Variants in ODF2 observed in about 807,000 individuals in gnomAD.
ODF2 encodes the protein outer dense fiber of sperm tails 2.
ODF2 carries 47 observed loss-of-function variants against 110.2 expected under a neutral mutation model. That is an observed-to-expected ratio of 0.43 (90% CI 0.34 to 0.54). ODF2 has a LOEUF of 0.54. ODF2 is among the 20% of genes least tolerant of loss of function. ODF2 has a pLI of 0.03. For missense variants in ODF2, 812 were observed against 1,054.5 expected (o/e 0.77, Z 3.19); for synonymous variants, 352 against 397.7 (o/e 0.89, Z 1.37).
upstream of ODF2, chr9:128,455,486 G>A (rs1834580905): frequency 3.9e-6 from 1 of 255,470 alleles, no homozygotes; most frequent in Non-Finnish European, 7.5e-6. Flanking sequence ...CCCGGGAGGC[G>A]GAGGTTGCGG....
Position 128,500,115 on chromosome 9 carries a change from G to T in ODF2, c.2350G>T (p.Glu784Ter), listed in dbSNP as rs1264933112. ...GCTGCAAGACCTGAAAGATCGCCTG[G>T]AGCAGTCCGAGAGCACCAACCGCAG... The change falls in exon 21 of 21, where the codon GAG becomes TAG. Residue 784 changes from glutamate (E) to a stop codon, truncating the protein, a stop_gained. Coordinates refer to ENST00000604420, the Ensembl canonical transcript of ODF2. LOFTEE classifies it high-confidence loss of function. 1.2e-6 allele frequency: 2 copies of T among 1,614,164 alleles called. No homozygotes were observed. Among genetic ancestry groups the T allele is most frequent in the South Asian group, 1.1e-5 (1 of 91,088 alleles).
At chr9:128,475,696 A>G (rs1841118255) in intron 8 of ODF2, among the ~76,000 whole-genome samples, 1 of 150,930 alleles carries the variant, frequency 6.6e-6, no homozygotes, top group African/African-American at 2.4e-5. Context: ...CCCAGGTTGG[A>G]GTACAGTGGC....
At chr9:128,484,311 C>T (rs950451862) in intron 11 of ODF2, among the ~76,000 whole-genome samples, 1 of 152,208 alleles carries the variant, frequency 6.6e-6, no homozygotes, top group African/African-American at 2.4e-5. Context: ...ACTTAATCCC[C>T]TAGGCCCTCA....
intron 4 of ODF2, among the ~76,000 whole-genome samples, chr9:128,463,277 G>T (rs1233656260): frequency 6.6e-6 from 1 of 151,968 alleles, no homozygotes; most frequent in Non-Finnish European, 1.5e-5. Flanking sequence ...CAAAACAAAA[G>T]AGAAATATGA....
chr9:128,487,645 G>T (rs980062334), intron 13 of ODF2, among the ~76,000 whole-genome samples: 1 of 152,088 alleles, frequency 6.6e-6, no homozygotes, highest in Non-Finnish European at 1.5e-5. Context: ...AACTTAGCCG[G>T]GCGTGGCGGT....
chr9:128,495,790 A>C (rs893195976), intron 17 of ODF2, among the ~76,000 whole-genome samples: 4 of 152,126 alleles, frequency 2.6e-5, no homozygotes, highest in African/African-American at 9.7e-5. Flanking sequence ...GCCTCCCCTG[A>C]TCGAGAAAGC....
chr9:128,456,021 T>A (rs1241022645), upstream of ODF2: 9 of 1,434,948 alleles, frequency 6.3e-6, no homozygotes, highest in Non-Finnish European at 8.2e-6. Context: ...GGGCGGGGCA[T>A]CTCTGTGACG....
chr9:128,462,817 T>A (rs1370639671), intron 4 of ODF2, among the ~76,000 whole-genome samples: 7 of 151,714 alleles, frequency 4.6e-5, no homozygotes, highest in African/African-American at 7.3e-5. Context: ...ATGGTCTCGA[T>A]CTCCTGACCT....
chr9:128,456,176 C>T lies in ODF2; in HGVS notation c.-288C>T, dbSNP rs565971283. ...CAGAGCCAGACTGCATCCGCCGCGG[C>T]GTCTCCATGGCACGACCCTGGCCTC... is the stretch of plus-strand genomic sequence containing the variant. On this transcript the variant is annotated 5_prime_UTR_variant, in exon 1 of 21. Transcript: ENST00000604420. 3.8e-4 allele frequency: 589 copies of T among 1,549,270 alleles called. 4 individuals carry two copies. Among genetic ancestry groups the T allele is most frequent in the Middle Eastern group, 2.9e-3 (17 of 5,858 alleles).
chr9:128,475,520 C>T (rs1421911125), intron 8 of ODF2, among the ~76,000 whole-genome samples: 1 of 152,150 alleles, frequency 6.6e-6, no homozygotes, highest in Admixed American at 6.6e-5. Context: ...ACATCAGTAA[C>T]TATAGTCACC....
intron 13 of ODF2, among the ~76,000 whole-genome samples, chr9:128,487,067 CCT>C (rs753320019): frequency 4.0e-5 from 6 of 150,712 alleles, no homozygotes; most frequent in African/African-American, 4.9e-5. Flanking sequence ...GGTACACATC[CCT>C]CTCTCTCTCT....
intron 19 of ODF2, 134 bp from the exon 20 acceptor site, chr9:128,498,867 C>A: frequency 1.6e-6 from 2 of 1,220,512 alleles, no homozygotes; most frequent in Non-Finnish European, 2.3e-6. Flanking sequence ...CCTGCCCCAG[C>A]GTTCTAGAGA....
chr9:128,486,822 C>T (rs1843448975), intron 13 of ODF2, among the ~76,000 whole-genome samples: 1 of 152,200 alleles, frequency 6.6e-6, no homozygotes, highest in South Asian at 2.1e-4. Flanking sequence ...CACCAGCCCC[C>T]TGCTGGGGGT....
In ODF2 at chr9:128,494,109, C is replaced by G. The variant is rs1448924167; in HGVS notation, c.1753-401C>G. ...GCACCTGGCTTGGAGTTAGACTAGA[C>G]TTTAATCCTGTGTTTACCAGTTTTT... On this transcript the variant is annotated intron_variant, in intron 16 of 20. Transcript: ENST00000604420. This position sits in a 1 kb window ranked among gnomAD's most constrained non-coding sequence, Gnocchi z 4.6. Among the ~76,000 whole-genome samples the G allele has an allele frequency of 6.6e-6, 1 of 152,152 alleles. No homozygotes were observed. Among genetic ancestry groups the G allele is most frequent in the Non-Finnish European group, 1.5e-5 (1 of 68,028 alleles).
exon 5 of ODF2, chr9:128,469,196 G>T (rs766231191): frequency 6.2e-7 from 1 of 1,613,898 alleles, no homozygotes; most frequent in South Asian, 1.1e-5. Context: ...CCACCTCATT[G>T]CCTGGAGATC....
At position 128,456,777 on chromosome 9, in the gene ODF2, C is replaced by A; in HGVS notation, c.-208-421C>A. On this transcript the variant is annotated intron_variant, in intron 1 of 20. Transcript: ENST00000604420. ...GCCCGGCGGGGGGGGGTCCCGCCCG[C>A]CCCCTCCCAGCCCGGCGTCTATCCT... The A allele has an allele frequency of 3.8e-6, 5 of 1,310,968 alleles. No individual in the cohort carries two copies. The South Asian group carries it at 6.9e-5, about 18-fold the overall frequency. The allele number at this position is 1,310,968 out of a possible 1,614,324, so 81.2% of individuals were successfully genotyped here. A position where few individuals can be genotyped will look rare whatever the true frequency, so the allele number is the denominator to read the frequency against.
At chr9:128,486,070 T>G (rs540533274) in intron 13 of ODF2, among the ~76,000 whole-genome samples, 7 of 152,308 alleles carry the variant, frequency 4.6e-5, no homozygotes, top group African/African-American at 1.7e-4. Flanking sequence ...ATCTACCATA[T>G]ACCAAGCTGC....
chr9:128,497,446 A>AAATAT (rs1554857542), intron 18 of ODF2: 5 of 42,596 alleles, frequency 1.2e-4, no homozygotes, highest in African/African-American at 1.5e-4. Context: ...AAAAAAAAAA[A>AAATAT]ATATATATAT....
chr9:128,497,836 A>C lies in ODF2; in HGVS notation c.2013-577A>C, dbSNP rs41302649. On this transcript the variant is annotated intron_variant, in intron 18 of 20. Coordinates refer to ENST00000604420, the Ensembl canonical transcript of ODF2. ...TGCCAGCCTTGGAAATGGCAGCTAG[A>C]TCCCCCAGGCCCTGCAGAGCTCCTT... 597 of 152,364 alleles carry C rather than the reference A, an allele frequency of 3.9e-3. 1 individual carries two copies. The highest frequency in any genetic ancestry group is 6.0e-3 in the Non-Finnish European group (411 of 68,156). 9.4% of individuals were successfully genotyped at this position (152,364 alleles called of 1,614,324 possible). A position where few individuals can be genotyped will look rare whatever the true frequency, so the allele number is the denominator to read the frequency against.
Sources: allele counts gnomAD v4.1 joint callset (sites outside exome capture counted in the v4.1 genomes callset), GRCh38; gene constraint gnomAD v4.1.1; non-coding constraint Gnocchi (gnomAD v3.1); transcripts MANE v1.5; gene names NCBI Gene and HGNC (gene_info 2026-07-23, HGNC 2026-07-21).